Variants in OPCML observed in about 807,000 individuals in gnomAD.
OPCML encodes opioid binding protein/cell adhesion molecule like, also known as opioid-binding protein/cell adhesion molecule.
OPCML carries 13 observed loss-of-function variants against 37.8 expected under a neutral mutation model. The ratio of observed to expected loss-of-function variants is 0.34; its 90% confidence interval spans 0.22 to 0.55. The LOEUF is 0.55. OPCML is among the 20% of genes least tolerant of loss of function. The pLI, the probability that OPCML is intolerant of heterozygous loss-of-function variation, is 0.91. For missense variants in OPCML, 341 were observed against 435.6 expected (o/e 0.78, Z 1.93); for synonymous variants, 176 against 168.8 (o/e 1.04, Z -0.33).
At chr11:133,004,176 G>A (rs752478708) in intron 1 of OPCML, 124 of 985,264 alleles carry the variant, frequency 1.3e-4, no homozygotes, top group East Asian at 5.7e-4. Flanking sequence ...CTCCTCTGCC[G>A]TCTCATCTGA....
chr11:132,826,760 G>A (rs1286515509), intron 2 of OPCML, among the ~76,000 whole-genome samples: 1 of 152,162 alleles, frequency 6.6e-6, no homozygotes, highest in African/African-American at 2.4e-5. Context: ...AGATAAGAAG[G>A]TATGTAATCA....
chr11:133,422,880 T>G, intron 1 of OPCML: 1 of 960,154 alleles, frequency 1.0e-6, no homozygotes, highest in Non-Finnish European at 1.2e-6. Flanking sequence ...ATCTGAGGCT[T>G]AGGATGAAGA....
intron 1 of OPCML, among the ~76,000 whole-genome samples, chr11:133,132,649 G>A (rs1044375067): frequency 3.9e-5 from 6 of 152,072 alleles, no homozygotes; most frequent in Non-Finnish European, 5.9e-5. Context: ...GTGGTGCACC[G>A]ATACAATGGA....
chr11:133,294,455 T>C (rs1439130432), intron 1 of OPCML, among the ~76,000 whole-genome samples: 1 of 152,154 alleles, frequency 6.6e-6, no homozygotes, highest in Admixed American at 6.5e-5. Context: ...ACCAAGTTGA[T>C]AAGTTAATGC....
chr11:133,041,401 T>G (rs771247032), intron 1 of OPCML, among the ~76,000 whole-genome samples: 2 of 152,224 alleles, frequency 1.3e-5, no homozygotes, highest in Non-Finnish European at 1.5e-5. Flanking sequence ...TGCCTCTCAA[T>G]GCATTTGCCT....
At chr11:132,529,436 A>G (rs568718240) in intron 3 of OPCML, 1 of 154,682 alleles carries the variant, frequency 6.5e-6, no homozygotes, top group South Asian at 2.1e-4. Context: ...GAAGCAGAGG[A>G]ATTGAGAGAT....
Position 133,056,937 on chromosome 11 carries a change from G to A in OPCML, c.62-113927C>T, listed in dbSNP as rs190100433. Among the ~76,000 whole-genome samples, 422 of 152,228 alleles carry A rather than the reference G, an allele frequency of 2.8e-3. 1 individual carries two copies. Among genetic ancestry groups the A allele is most frequent in the African/African-American group, 9.8e-3 (407 of 41,560 alleles). ...TGGCTCACCACAACCTCCGCCTTCC[G>A]GGTTCAAGTGATTCTCCTGCCTCAG... On this transcript the variant is annotated intron_variant, in intron 1 of 7. Coordinates refer to ENST00000524381, the MANE Select transcript of OPCML (RefSeq NM_001012393.5).
chr11:132,959,093 C>T (rs1946029408), intron 1 of OPCML, among the ~76,000 whole-genome samples: 1 of 152,186 alleles, frequency 6.6e-6, no homozygotes, highest in Non-Finnish European at 1.5e-5. Flanking sequence ...ATGCTAAATG[C>T]CATTAAGAAC....
At chr11:132,957,100 C>T (rs1945990914) in intron 1 of OPCML, among the ~76,000 whole-genome samples, 1 of 152,190 alleles carries the variant, frequency 6.6e-6, no homozygotes, top group African/African-American at 2.4e-5. Flanking sequence ...CACTGTATTC[C>T]AGTCTGGGCA....
At chr11:132,694,021 C>G (rs544448100) in intron 2 of OPCML, among the ~76,000 whole-genome samples, 10 of 152,138 alleles carry the variant, frequency 6.6e-5, no homozygotes, top group Non-Finnish European at 1.5e-5. Context: ...ATACAAACCA[C>G]ACTCTCTGCA....
chr11:132,656,339 T>G (rs1941707342), intron 3 of OPCML, among the ~76,000 whole-genome samples: 1 of 152,248 alleles, frequency 6.6e-6, no homozygotes, highest in Non-Finnish European at 1.5e-5. Context: ...CTGACATTTC[T>G]TCAGCCCCAT....
In OPCML at chr11:133,476,145, G is replaced by A. The variant is rs115647990; in HGVS notation, c.61+56119C>T. ...AGACCAAGGCATGTCTGGAAAACAC[G>A]TTTGGGCCAAAAACCCATTAAGGTA... On this transcript the variant is annotated intron_variant, in intron 1 of 7. Transcript: ENST00000524381. Among the ~76,000 whole-genome samples, 350 of 152,238 alleles carry A rather than the reference G, an allele frequency of 2.3e-3. 1 individual carries two copies. Among genetic ancestry groups the A allele is most frequent in the African/African-American group, 7.7e-3 (320 of 41,562 alleles).
At chr11:132,586,025 G>C (rs140519884) in intron 3 of OPCML, among the ~76,000 whole-genome samples, 1 of 152,122 alleles carries the variant, frequency 6.6e-6, no homozygotes, top group Admixed American at 6.6e-5. Context: ...AGGGAGGTGT[G>C]GGGGAGACAG....
At chr11:132,540,429 C>G (rs2137363812) in intron 3 of OPCML, among the ~76,000 whole-genome samples, 1 of 152,164 alleles carries the variant, frequency 6.6e-6, no homozygotes, top group East Asian at 1.9e-4. Flanking sequence ...AATACAACCT[C>G]TCAGGATCCA....
chr11:132,995,123 GA>G (rs1372264905), intron 1 of OPCML, among the ~76,000 whole-genome samples: 1 of 152,194 alleles, frequency 6.6e-6, no homozygotes, highest in East Asian at 1.9e-4. Flanking sequence ...TAGAAAGGGA[GA>G]ATGTGTCATA....
At chr11:132,953,175 C>T (rs186243846) in intron 1 of OPCML, among the ~76,000 whole-genome samples, 130 of 152,192 alleles carry the variant, frequency 8.5e-4, no homozygotes, top group African/African-American at 2.9e-3. Context: ...GCAAGGTCCC[C>T]GAGAACAGAG....
intron 2 of OPCML, among the ~76,000 whole-genome samples, chr11:132,857,671 A>G (rs1942113378): frequency 6.6e-6 from 1 of 152,246 alleles, no homozygotes; most frequent in African/African-American, 2.4e-5. Flanking sequence ...GCTATAAAGC[A>G]ATGTCATTCT....
chr11:132,824,644 C>T (rs1249869787), intron 2 of OPCML, among the ~76,000 whole-genome samples: 1 of 152,208 alleles, frequency 6.6e-6, no homozygotes, highest in Non-Finnish European at 1.5e-5. Context: ...CCAACTGCCC[C>T]CCTATTGTTT....
intron 2 of OPCML, among the ~76,000 whole-genome samples, chr11:132,849,807 A>C (rs947012189): frequency 2.0e-5 from 3 of 152,222 alleles, no homozygotes; most frequent in Admixed American, 2.0e-4. Context: ...AGTATGCCAC[A>C]TGTAAACCGG....
Sources: gnomAD v4.1 joint callset for allele counts (sites outside exome capture counted in the v4.1 genomes callset) on GRCh38, gnomAD v4.1.1 for gene constraint, MANE v1.5 for transcripts, NCBI Gene and HGNC (gene_info 2026-07-23, HGNC 2026-07-21) for gene names.